Variants in SLC36A1 observed in about 807,000 individuals in gnomAD.
The protein encoded by SLC36A1 is proton-coupled amino acid transporter 1.
A neutral mutation model predicts 47.5 loss-of-function variants in SLC36A1; 30 were observed. That is an observed-to-expected ratio of 0.63 (90% confidence interval 0.47 to 0.86). The LOEUF is 0.86. Among genes scored for constraint, SLC36A1 ranks in the 40% least tolerant of loss-of-function variants. SLC36A1 has a pLI of 0.00. For missense variants in SLC36A1, 517 were observed against 606.0 expected (o/e 0.85, Z 1.54); for synonymous variants, 255 against 249.7 (o/e 1.02, Z -0.20).
At chr5:151,432,125 C>A (rs1489000342), upstream of SLC36A1, among the ~76,000 whole-genome samples, 1 of 152,118 alleles carries the variant, frequency 6.6e-6, no homozygotes, top group Admixed American at 6.5e-5. Context: ...ACAGGCCAGG[C>A]ACTTTGATGG....
chr5:151,347,276 A>G, the SLC36A1 span: 1 of 1,614,082 alleles, frequency 6.2e-7, no homozygotes, highest in Non-Finnish European at 8.5e-7. Flanking sequence ...AGAAATAGGG[A>G]TGGCAGAAAA....
chr5:151,384,907 T>C, the SLC36A1 span, among the ~76,000 whole-genome samples: 6 of 151,982 alleles, frequency 3.9e-5, no homozygotes, highest in African/African-American at 1.5e-4. Flanking sequence ...TAACAAAATA[T>C]AAAGTCAAAA....
chr5:151,394,573 G>A, the SLC36A1 span, among the ~76,000 whole-genome samples: 75,509 of 152,080 alleles, frequency 0.5, 20,746 homozygotes, highest in African/African-American at 0.75. Context: ...TGTACAGATG[G>A]GGTTTTGGTG....
chr5:151,396,090 G>A, the SLC36A1 span, among the ~76,000 whole-genome samples: 66 of 150,800 alleles, frequency 4.4e-4, no homozygotes, highest in African/African-American at 1.5e-3. Context: ...GATTACAGGC[G>A]TGAGCCACTG....
chr5:151,437,312 A>G (rs1018903844), intron 1 of SLC36A1: 1 of 152,184 alleles, frequency 6.6e-6, no homozygotes, highest in Admixed American at 6.6e-5. Context: ...TTACTTTAAC[A>G]ATTAATATTC....
At chr5:151,399,084 A>ATATATATATATATATTTTT in the SLC36A1 span, among the ~76,000 whole-genome samples, 9 of 60,038 alleles carry the variant, frequency 1.5e-4, no homozygotes, top group African/African-American at 2.2e-4. Context: ...ATATATATAT[A>ATATATATATATATATTTTT]TTTTTTTTTT....
chr5:151,542,345 G>C, the SLC36A1 span: 2 of 1,613,928 alleles, frequency 1.2e-6, no homozygotes, highest in South Asian at 2.2e-5. Flanking sequence ...AGGGTCTTTA[G>C]AGTCGCCACC....
chr5:151,548,372 A>G, the SLC36A1 span, among the ~76,000 whole-genome samples: 1 of 152,066 alleles, frequency 6.6e-6, no homozygotes, highest in African/African-American at 2.4e-5. Context: ...AATTAGTTGG[A>G]TACTGGATAT....
the SLC36A1 span, chr5:151,538,088 C>T: frequency 4.9e-6 from 3 of 608,954 alleles, no homozygotes; most frequent in African/African-American, 5.5e-5. Context: ...GAAAAAAGAA[C>T]AGAGACAGAG....
At chr5:151,375,618 A>G in the SLC36A1 span, among the ~76,000 whole-genome samples, 2 of 152,090 alleles carry the variant, frequency 1.3e-5, no homozygotes, top group African/African-American at 2.4e-5. Flanking sequence ...TGGAATTTTA[A>G]TAGGGATTGC....
the SLC36A1 span, among the ~76,000 whole-genome samples, chr5:151,355,800 G>A: frequency 0.068 from 10,306 of 152,038 alleles, 1,122 homozygotes; most frequent in African/African-American, 0.23. Flanking sequence ...GCATAAAACC[G>A]CATACATCTC....
the SLC36A1 span, chr5:151,506,078 C>A: frequency 1.3e-6 from 2 of 1,526,314 alleles, no homozygotes; most frequent in Non-Finnish European, 1.7e-6. Context: ...GGGGCCAGAC[C>A]ATGGCTCCGC....
At chr5:151,384,970 GTA>G in the SLC36A1 span, among the ~76,000 whole-genome samples, 1 of 115,784 alleles carries the variant, frequency 8.6e-6, no homozygotes, top group Admixed American at 7.5e-5. Context: ...AGTGAGGTGT[GTA>G]TGTGTGTGTG....
chr5:151,389,655 G>A, the SLC36A1 span, among the ~76,000 whole-genome samples: 2 of 148,924 alleles, frequency 1.3e-5, no homozygotes, highest in South Asian at 2.1e-4. Flanking sequence ...GAGAACATGC[G>A]GTGTTTGGTT....
the SLC36A1 span, among the ~76,000 whole-genome samples, chr5:151,397,251 T>C: frequency 6.6e-6 from 1 of 152,148 alleles, no homozygotes; most frequent in Non-Finnish European, 1.5e-5. Context: ...GTCCAGACAC[T>C]CTCTGTTGTA....
At chr5:151,417,335 C>T in the SLC36A1 span, among the ~76,000 whole-genome samples, 7 of 152,046 alleles carry the variant, frequency 4.6e-5, no homozygotes, top group East Asian at 3.9e-4. Context: ...GTGATGTGGA[C>T]GATGAAGTCC....
At chr5:151,468,048 G>T in intron 7 of SLC36A1, 123 bp downstream of exon 7, 1 of 753,468 alleles carries the variant, frequency 1.3e-6, no homozygotes, top group South Asian at 1.8e-5. Context: ...CTGAGATCAG[G>T]AGTTTGAGAC....
chr5:151,345,113 G>C, the SLC36A1 span, among the ~76,000 whole-genome samples: 3 of 152,176 alleles, frequency 2.0e-5, no homozygotes, highest in Non-Finnish European at 4.4e-5. Flanking sequence ...AAATGTTCCA[G>C]GGAGGCACTC....
At chr5:151,479,237 C>G in intron 9 of SLC36A1, 83 bp from the exon 10 acceptor site, 1 of 1,444,604 alleles carries the variant, frequency 6.9e-7, no homozygotes, top group Non-Finnish European at 9.5e-7. Context: ...GTCAACAAAT[C>G]GCAATGGGAC....
Sources: gnomAD v4.1 joint callset for allele counts (sites outside exome capture counted in the v4.1 genomes callset) on GRCh38, gnomAD v4.1.1 for gene constraint, MANE v1.5 for transcripts, NCBI Gene and HGNC (gene_info 2026-07-23, HGNC 2026-07-21) for gene names.